CENPC: variants seen among roughly 807,000 people sequenced by gnomAD.
CENPC encodes the protein CENP-C 1.
Under a neutral mutation model 112.1 loss-of-function variants are expected in CENPC, and 63 were observed. The ratio of observed to expected loss-of-function variants is 0.56; its 90% CI spans 0.46 to 0.69. The LOEUF (loss-of-function observed/expected upper bound fraction) is 0.69. CENPC is among the 30% of genes least tolerant of loss of function. The pLI is 0.00. For missense variants in CENPC, 1,000 were observed against 1,103.8 expected (o/e 0.91, Z 1.33); for synonymous variants, 333 against 367.6 (o/e 0.91, Z 1.08).
intron 7 of CENPC, among the ~76,000 whole-genome samples, chr4:67,516,284 T>C (rs1195166582): frequency 6.6e-6 from 1 of 151,964 alleles, no homozygotes; most frequent in Non-Finnish European, 1.5e-5. Context: ...TTTCCCTGAT[T>C]GTTTTAATAG....
At chr4:67,497,021 A>C (rs1288769082) in intron 12 of CENPC, among the ~76,000 whole-genome samples, 1 of 152,016 alleles carries the variant, frequency 6.6e-6, no homozygotes, top group Non-Finnish European at 1.5e-5. Context: ...AAGGAACCAA[A>C]GAAACAAGTA....
At chr4:67,483,930 G>A (rs763884059) in intron 17 of CENPC, among the ~76,000 whole-genome samples, 3 of 152,188 alleles carry the variant, frequency 2.0e-5, no homozygotes, top group Non-Finnish European at 4.4e-5. Context: ...GTTACAGTTA[G>A]ATGAGGTTTA....
At position 67,512,419 on chromosome 4, in the gene CENPC, A is replaced by G; in HGVS notation, c.1595T>C (p.Val532Ala). ...RISRRPSDWW[V>A]VKSEESPVYS... ...ATACTTACTCTCCTCTGATTTTACC[A>G]CCCACCAATCAGATGGACGCCTGGA... Residue 532 changes from valine (V) to alanine (A), a missense_variant, in exon 9 of 19, where the codon GTG becomes GCG. Val to Ala is a moderately conservative substitution (Grantham distance 64, BLOSUM62 0). Coordinates refer to ENST00000273853, the MANE Select transcript of CENPC (RefSeq NM_001812.4). The G allele has an allele frequency of 6.3e-7, 1 of 1,593,620 alleles. No homozygotes were observed. The highest frequency in any genetic ancestry group is 2.3e-5 in the East Asian group (1 of 44,432).
chr4:67,506,544 G>A (rs1406215353), intron 11 of CENPC, among the ~76,000 whole-genome samples: 4 of 152,112 alleles, frequency 2.6e-5, no homozygotes, highest in African/African-American at 9.7e-5. Flanking sequence ...ACATTTTATA[G>A]GTGGATTCTC....
chr4:67,509,211 C>T (rs1577989464), intron 9 of CENPC, 106 bp from the exon 10 acceptor site: 3 of 16,480 alleles, frequency 1.8e-4, no homozygotes, highest in East Asian at 4.8e-3. Context: ...TACACATACA[C>T]ACACACACAC....
At chr4:67,504,092 CAA>C (rs33925641) in intron 12 of CENPC, among the ~76,000 whole-genome samples, 18 of 114,060 alleles carry the variant, frequency 1.6e-4, no homozygotes, top group South Asian at 3.0e-4. Flanking sequence ...GTGAATGGGG[CAA>C]AAAAAAAAAA....
chr4:67,540,589 G>C (rs1358862177), intron 3 of CENPC, among the ~76,000 whole-genome samples: 1 of 152,170 alleles, frequency 6.6e-6, no homozygotes, highest in Non-Finnish European at 1.5e-5. Context: ...AGAATCACTT[G>C]AACCTGGGAG....
intron 12 of CENPC, among the ~76,000 whole-genome samples, chr4:67,499,439 T>C (rs966242772): frequency 6.6e-6 from 1 of 152,254 alleles, no homozygotes; most frequent in Non-Finnish European, 1.5e-5. Flanking sequence ...TGCTTCACCT[T>C]GCTCTTTTAT....
intron 12 of CENPC, among the ~76,000 whole-genome samples, chr4:67,504,782 A>T (rs1003316566): frequency 2.6e-5 from 4 of 152,240 alleles, no homozygotes; most frequent in Middle Eastern, 3.4e-3. Flanking sequence ...AGATTGCACC[A>T]CTGCACTCCA....
intron 16 of CENPC, 120 bp downstream of exon 16, chr4:67,492,060 G>T: frequency 1.6e-6 from 1 of 636,978 alleles, no homozygotes. Context: ...GACTCTTCTG[G>T]ACTTTAGCAC....
At position 67,512,519 on chromosome 4, in the gene CENPC, G is replaced by A. The variant is rs752067595; in HGVS notation, c.1495C>T (p.Arg499Cys). 8.9e-6 allele frequency: 14 copies of A among 1,578,062 alleles called. No individual in the cohort carries two copies. The highest frequency in any genetic ancestry group is 5.6e-5 in the Admixed American group (3 of 53,158). Residue 499 changes from arginine (R) to cysteine (C), a missense_variant, in exon 9 of 19, where the codon CGC (arginine) becomes TGC (cysteine). Coordinates refer to ENST00000273853, the MANE Select transcript of CENPC (RefSeq NM_001812.4). ...RKDKEESKKK[R>C]FSSESKNKLV... is the part of the protein sequence containing the mutation. ...TTGTTCTTGGACTCACTGGAAAAGCGCTTCTTTTTAGATTCTTCCTTATCT... is the reference window on the plus strand; with the variant it reads ...TTGTTCTTGGACTCACTGGAAAAGCACTTCTTTTTAGATTCTTCCTTATCT...
intron 12 of CENPC, among the ~76,000 whole-genome samples, chr4:67,504,360 G>A (rs1372203135): frequency 6.6e-6 from 1 of 151,694 alleles, no homozygotes; most frequent in Non-Finnish European, 1.5e-5. Flanking sequence ...AGTTAAAAGA[G>A]AAAATACAAT....
chr4:67,469,746 A>T lies in CENPC; in HGVS notation c.*2859T>A, dbSNP rs1451775724. 1 of 152,234 alleles carries T rather than the reference A, an allele frequency of 6.6e-6. No homozygotes were observed. The highest frequency in any genetic ancestry group is 1.5e-5 in the Non-Finnish European group (1 of 68,040). 9.4% of individuals were successfully genotyped at this position (152,234 alleles called of 1,614,324 possible). A position where few individuals can be genotyped will look rare whatever the true frequency, so the allele number is the denominator to read the frequency against. The stretch of plus-strand genomic sequence containing the variant: ...CATGAAATTAACTCCATAGTCACCC[A>T]GTTTTATGCCTGGGGGCACTCTCCA... On this transcript the variant is annotated 3_prime_UTR_variant, in exon 19 of 19. Coordinates refer to ENST00000273853, the MANE Select transcript of CENPC (RefSeq NM_001812.4).
intron 15 of CENPC, 71 bp from the exon 16 acceptor site, chr4:67,492,346 C>A: frequency 1.1e-6 from 1 of 884,212 alleles, no homozygotes; most frequent in Non-Finnish European, 1.8e-6. Flanking sequence ...AAGTTCAGTA[C>A]AAAATATAGC....
chr4:67,474,833 A>G, intron 18 of CENPC, 55 bp downstream of exon 18: 1 of 1,025,772 alleles, frequency 9.7e-7, no homozygotes. Context: ...TTCCATTTCC[A>G]TAGTGCCCAA....
At chr4:67,493,774 TG>T (rs1040981229) in intron 14 of CENPC, 109 bp downstream of exon 14, 5 of 613,198 alleles carry the variant, frequency 8.2e-6, no homozygotes, top group Non-Finnish European at 1.4e-5. Flanking sequence ...TATCAAAATT[TG>T]GGGGGGTGAT....
chr4:67,480,506 A>G (rs9999932), intron 17 of CENPC, among the ~76,000 whole-genome samples: 94,964 of 151,790 alleles, frequency 0.63, 29,939 homozygotes, highest in East Asian at 0.81. Context: ...AAGATTGAAA[A>G]GGTAATAAAA....
rs1340222132 is a variant in CENPC, at chr4:67,492,237, C to CT, written c.2457dup (p.Asp820ArgfsTer33). The CT allele has an allele frequency of 6.4e-7, 1 of 1,568,338 alleles. No individual in the cohort carries two copies. The highest frequency in any genetic ancestry group is 1.3e-5 in the African/African-American group (1 of 74,224). On this transcript the variant is annotated frameshift_variant, in exon 16 of 19. Coordinates refer to ENST00000273853, the MANE Select transcript of CENPC (RefSeq NM_001812.4). LOFTEE classifies it high-confidence loss of function. Reference sequence around the variant, plus strand: ...TTTACCCTCGTTGGCTGCAAAGGATCTCCAAGAGGTATACCTAGATTTACC... The same window carrying CT: ...TTTACCCTCGTTGGCTGCAAAGGATCTTCCAAGAGGTATACCTAGATTTACC...
At chr4:67,476,250 T>C (rs760388992) in intron 17 of CENPC, among the ~76,000 whole-genome samples, 23 of 152,230 alleles carry the variant, frequency 1.5e-4, no homozygotes, top group Middle Eastern at 6.8e-3. Flanking sequence ...TGCAGGAACA[T>C]ACCAAGAAAA....
Sources: gnomAD v4.1 joint callset for allele counts (sites outside exome capture counted in the v4.1 genomes callset) on GRCh38, gnomAD v4.1.1 for gene constraint, MANE v1.5 for transcripts, NCBI Gene and HGNC (gene_info 2026-07-23, HGNC 2026-07-21) for gene names.